The following PPP1R12B variants were observed in gnomAD, a reference collection of about 807,000 sequenced individuals.
PPP1R12B encodes myosin phosphatase target subunit 2.
PPP1R12B carries 76 observed loss-of-function variants against 126.1 expected under a neutral mutation model. That is an observed-to-expected ratio of 0.60 (90% CI 0.50 to 0.73). The LOEUF (loss-of-function observed/expected upper bound fraction) is 0.73, where lower values mean the gene tolerates loss of function less well. Among genes scored for constraint, PPP1R12B ranks in the 30% least tolerant of loss-of-function variants. The pLI is 0.00. For synonymous variants in PPP1R12B, 356 were observed against 434.7 expected, an observed-to-expected ratio of 0.82 and a Z score of 2.25; for missense variants, 1,052 against 1,205.1, an observed-to-expected ratio of 0.87 and a Z score of 1.88.
chr1:202,584,123 T>C lies in PPP1R12B; in HGVS notation c.*3563T>C, dbSNP rs148072556. On this transcript the variant is annotated 3_prime_UTR_variant, in exon 24 of 24. Transcript: ENST00000608999. ...CTCTAAAGAATCTAAAGAATAGACA[T>C]GCTTTGGGCTTACTCAGTGTACCAG... 8.5e-5 allele frequency: 13 copies of C among 152,276 alleles called. No homozygotes were observed. In the East Asian group the frequency reaches 2.5e-3, roughly 29 times the overall value. 9.4% of individuals were successfully genotyped at this position (152,276 alleles called of 1,614,324 possible). A position where few individuals can be genotyped will look rare whatever the true frequency, so the allele number is the denominator to read the frequency against.
intron 1 of PPP1R12B, among the ~76,000 whole-genome samples, chr1:202,355,971 A>T (rs1311747439): frequency 6.6e-6 from 1 of 152,004 alleles, no homozygotes; most frequent in African/African-American, 2.4e-5. Flanking sequence ...GGAGTTTGAG[A>T]CCAGCCTGAG....
intron 13 of PPP1R12B, among the ~76,000 whole-genome samples, chr1:202,456,298 A>G (rs1479068919): frequency 1.3e-5 from 2 of 151,972 alleles, no homozygotes; most frequent in African/African-American, 2.4e-5. Context: ...AGAAAGAAAG[A>G]AAGAAATGTG....
intron 13 of PPP1R12B, among the ~76,000 whole-genome samples, chr1:202,476,289 C>T (rs184709134): frequency 8.6e-5 from 13 of 151,408 alleles, no homozygotes; most frequent in African/African-American, 3.1e-4. Context: ...ATGACCACAG[C>T]ATCCTCAGTG....
At chr1:202,381,020 A>G (rs1364221269) in intron 1 of PPP1R12B, among the ~76,000 whole-genome samples, 1 of 152,202 alleles carries the variant, frequency 6.6e-6, no homozygotes, top group South Asian at 2.1e-4. Flanking sequence ...TCTCTTATTG[A>G]CGTGTACATA....
chr1:202,454,237 G>A (rs1325669954), intron 13 of PPP1R12B, among the ~76,000 whole-genome samples: 1 of 152,172 alleles, frequency 6.6e-6, no homozygotes, highest in East Asian at 1.9e-4. Flanking sequence ...GATAGTACCT[G>A]TAACAGAGAC....
At chr1:202,365,145 G>A (rs945972573) in intron 1 of PPP1R12B, among the ~76,000 whole-genome samples, 1 of 152,144 alleles carries the variant, frequency 6.6e-6, no homozygotes, top group African/African-American at 2.4e-5. Context: ...CTCATGGTAT[G>A]TTAAAATTAC....
chr1:202,524,960 C>T (rs1265339505), intron 18 of PPP1R12B, among the ~76,000 whole-genome samples: 1 of 152,186 alleles, frequency 6.6e-6, no homozygotes. Flanking sequence ...TCACTGCAAC[C>T]TCTGCCTCCT....
At chr1:202,493,962 G>A (rs1195782018) in intron 15 of PPP1R12B, among the ~76,000 whole-genome samples, 2 of 152,114 alleles carry the variant, frequency 1.3e-5, no homozygotes, top group Non-Finnish European at 1.5e-5. Flanking sequence ...TAGTGGAGTT[G>A]GTAGTAAAAG....
chr1:202,423,927 C>T (rs1313447439), intron 3 of PPP1R12B, among the ~76,000 whole-genome samples: 3 of 152,104 alleles, frequency 2.0e-5, no homozygotes, highest in Non-Finnish European at 4.4e-5. Context: ...CCAAGTGATC[C>T]ACCAGCCTCG....
intron 18 of PPP1R12B, among the ~76,000 whole-genome samples, chr1:202,525,167 CCA>C (rs1056156895): frequency 6.6e-6 from 1 of 152,180 alleles, no homozygotes; most frequent in Non-Finnish European, 1.5e-5. Context: ...GTGTGAGCCA[CCA>C]CACGTGGCCA....
intron 1 of PPP1R12B, among the ~76,000 whole-genome samples, chr1:202,398,686 G>A (rs1195193685): frequency 1.3e-5 from 2 of 152,202 alleles, no homozygotes; most frequent in Admixed American, 6.5e-5. Flanking sequence ...TTGCCTGGCA[G>A]AAGTCTAAGC....
At chr1:202,509,323 C>T (rs1412414606) in intron 18 of PPP1R12B, among the ~76,000 whole-genome samples, 3 of 152,234 alleles carry the variant, frequency 2.0e-5, no homozygotes, top group South Asian at 2.1e-4. Flanking sequence ...AGCTGTAAAA[C>T]TTCCTGAATG....
At chr1:202,556,402 G>A (rs1686946307) in intron 18 of PPP1R12B, among the ~76,000 whole-genome samples, 1 of 152,154 alleles carries the variant, frequency 6.6e-6, no homozygotes, top group African/African-American at 2.4e-5. Context: ...TTCAGTTAGT[G>A]TTTATTGAAC....
intron 18 of PPP1R12B, among the ~76,000 whole-genome samples, chr1:202,507,101 G>A (rs555205231): frequency 1.3e-5 from 2 of 152,292 alleles, no homozygotes; most frequent in South Asian, 2.1e-4. Context: ...GAGGGGCAGT[G>A]GGGAGGAAGA....
At chr1:202,421,769 T>A (rs1668819479) in intron 2 of PPP1R12B, among the ~76,000 whole-genome samples, 1 of 152,234 alleles carries the variant, frequency 6.6e-6, no homozygotes, top group African/African-American at 2.4e-5. Context: ...CTTCTGAGTA[T>A]TTGATAGAGC....
chr1:202,389,937 A>G (rs1323466646), intron 1 of PPP1R12B, among the ~76,000 whole-genome samples: 2 of 151,912 alleles, frequency 1.3e-5, no homozygotes, highest in African/African-American at 2.4e-5. Flanking sequence ...AAAAAAAAAA[A>G]AAAAAAAAAT....
At chr1:202,527,703 C>T (rs1201292780) in intron 18 of PPP1R12B, among the ~76,000 whole-genome samples, 1 of 152,084 alleles carries the variant, frequency 6.6e-6, no homozygotes, top group East Asian at 1.9e-4. Flanking sequence ...CAACCTCCTG[C>T]CCAAAACACC....
intron 13 of PPP1R12B, among the ~76,000 whole-genome samples, chr1:202,458,518 A>G (rs1320742241): frequency 1.3e-5 from 2 of 151,664 alleles, no homozygotes; most frequent in Non-Finnish European, 2.9e-5. Flanking sequence ...TGTCTGTACT[A>G]TGCTAAGAAA....
intron 10 of PPP1R12B, chr1:202,438,949 G>A: frequency 6.5e-7 from 1 of 1,535,088 alleles, no homozygotes; most frequent in Non-Finnish European, 9.0e-7. Context: ...CCGTGGACTG[G>A]CCTGACCTGG....
Sources: gnomAD v4.1 joint callset for allele counts (sites outside exome capture counted in the v4.1 genomes callset) on GRCh38, gnomAD v4.1.1 for gene constraint, MANE v1.5 for transcripts, NCBI Gene and HGNC (gene_info 2026-07-23, HGNC 2026-07-21) for gene names.